TBC1D30: variants seen among roughly 807,000 people sequenced by gnomAD.
The protein encoded by TBC1D30 is TBC1 domain family member 30, also known as TBC1 domain family, member 30.
TBC1D30 carries 31 observed loss-of-function variants against 63.2 expected under a neutral mutation model. The observed-to-expected ratio is 0.49, with a 90% confidence interval of 0.37 to 0.66. The LOEUF (loss-of-function observed/expected upper bound fraction) is 0.66, where lower values mean the gene tolerates loss of function less well. Among genes scored for constraint, TBC1D30 ranks in the 30% least tolerant of loss-of-function variants. The pLI is 0.00. For missense variants in TBC1D30, 810 were observed against 953.6 expected (o/e 0.85, Z 1.98); for synonymous variants, 307 against 361.5 (o/e 0.85, Z 1.71).
At chr12:64,790,897 A>T (rs1368965674) in intron 2 of TBC1D30, among the ~76,000 whole-genome samples, 1 of 152,184 alleles carries the variant, frequency 6.6e-6, no homozygotes, top group Non-Finnish European at 1.5e-5. Context: ...GTAAAATTAT[A>T]AAAATAATCC....
At chr12:64,800,105 C>CAAACA (rs753762882) in intron 2 of TBC1D30, among the ~76,000 whole-genome samples, 16 of 152,202 alleles carry the variant, frequency 1.1e-4, no homozygotes, top group East Asian at 3.9e-4. Flanking sequence ...GACTCCCTCT[C>CAAACA]AAACAAAACA....
In TBC1D30 at chr12:64,880,090, T is replaced by TGC. The variant is rs1445050658; in HGVS notation, c.*4302_*4303insGC. On this transcript the variant is annotated 3_prime_UTR_variant, in exon 12 of 12. Coordinates refer to ENST00000539867, the MANE Select transcript of TBC1D30 (RefSeq NM_015279.2). Reference sequence around the variant, plus strand: ...ATTTGGACCATTGAAGTGGGAGTTATCTGTTATCCACATCAGGCAGCTCAG... The same window carrying TGC: ...ATTTGGACCATTGAAGTGGGAGTTATGCCTGTTATCCACATCAGGCAGCTCAG... 1 of 152,212 alleles carries TGC rather than the reference T, an allele frequency of 6.6e-6. No individual in the cohort carries two copies. The highest frequency in any genetic ancestry group is 1.5e-5 in the Non-Finnish European group (1 of 68,040). 9.4% of individuals were successfully genotyped at this position (152,212 alleles called of 1,614,324 possible).
chr12:64,825,406 C>T (rs1205685361), intron 1 of TBC1D30: 2 of 212,552 alleles, frequency 9.4e-6, no homozygotes, highest in African/African-American at 2.3e-5. Flanking sequence ...CCAGACCTTG[C>T]GAGAGGTGTG....
At position 64,824,953 on chromosome 12, in the gene TBC1D30, G is replaced by C; in HGVS notation, c.74G>C (p.Gly25Ala). The stretch of plus-strand genomic sequence containing the variant: ...CTGAAGCGGCAGGGCGGCGGCGTGG[G>C]CACCATCCTGAGCAATGTGCTCAAG... ...RCLKRQGGGV[G>A]TILSNVLKKR... is the part of the protein sequence containing the mutation. The change falls in exon 1 of 12, where the codon GGC (glycine) becomes GCC (alanine). Residue 25 changes from glycine to alanine, a missense_variant. By Grantham distance (60) the Gly-to-Ala change is moderately conservative. Coordinates refer to ENST00000539867, the MANE Select transcript of TBC1D30 (RefSeq NM_015279.2). The C allele has an allele frequency of 6.5e-7, 1 of 1,534,766 alleles. No individual in the cohort carries two copies. Among genetic ancestry groups the C allele is most frequent in the Admixed American group, 2.0e-5 (1 of 50,954 alleles).
rs1389662218 is a variant in TBC1D30 at position 64,828,568 on chromosome 12, C to T, written c.282+59C>T. 1.3e-5 allele frequency: 14 copies of T among 1,101,906 alleles called. No individual in the cohort carries two copies. The East Asian group carries it at 3.6e-4, about 28-fold the overall frequency. 68.3% of individuals were successfully genotyped at this position (1,101,906 alleles called of 1,614,324 possible). On this transcript the variant is annotated intron_variant, in intron 3 of 11. Transcript: ENST00000539867. ...GATCATCACTGCCCTTCTTTAGAGC[C>T]TCTGGAATGTCAAAAAATATATTCT...
intron 2 of TBC1D30, among the ~76,000 whole-genome samples, chr12:64,819,271 CA>C (rs1459519255): frequency 6.6e-6 from 1 of 152,114 alleles, no homozygotes; most frequent in Non-Finnish European, 1.5e-5. Flanking sequence ...TGTGATCTGT[CA>C]AATAATTGTA....
rs1877009732 is a variant in TBC1D30, at chr12:64,853,045, A to C, written c.1038+9560A>C. On this transcript the variant is annotated intron_variant, in intron 8 of 11. Transcript: ENST00000539867. ...CGGAGAGATCCACTGCTCTCTTCAG[A>C]GCCAGCAGGGAGGAACATTTAAGTC... Among the ~76,000 whole-genome samples, 4 of 152,318 alleles carry C rather than the reference A, an allele frequency of 2.6e-5. No individual in the cohort carries two copies. The South Asian group carries it at 8.3e-4, about 32-fold the overall frequency.
chr12:64,866,193 G>A (rs74099694), intron 9 of TBC1D30, among the ~76,000 whole-genome samples: 77 of 152,206 alleles, frequency 5.1e-4, no homozygotes, highest in African/African-American at 1.8e-3. Context: ...ATAAATAAAG[G>A]CAAGATGCAG....
intron 11 of TBC1D30, among the ~76,000 whole-genome samples, chr12:64,873,331 G>A (rs930303842): frequency 6.6e-6 from 1 of 152,168 alleles, no homozygotes; most frequent in African/African-American, 2.4e-5. Context: ...TGAAGGGAGC[G>A]AGAAAGGGAA....
intron 8 of TBC1D30, among the ~76,000 whole-genome samples, chr12:64,858,297 A>G (rs746074635): frequency 2.0e-5 from 3 of 152,046 alleles, no homozygotes; most frequent in Non-Finnish European, 2.9e-5. Context: ...ATTAAACCCA[A>G]CTTGTAGATG....
At position 64,759,604 on chromosome 12, in the gene TBC1D30, C is replaced by G. The variant is rs768510389; in HGVS notation, c.-421C>G. On this transcript the variant is annotated 5_prime_UTR_variant, in exon 1 of 14. Coordinates refer to the TBC1D30 transcript ENST00000674237. ...AAGGGCGGAGAACCGGAGAAAAGGG[C>G]GGAGAACCGGGAAAAGGGCGGAGAA... 7 of 358,316 alleles carry G rather than the reference C, an allele frequency of 2.0e-5. No homozygotes were observed. In the South Asian group the frequency reaches 3.2e-4, roughly 16 times the overall value. 22.2% of individuals were successfully genotyped at this position (358,316 alleles called of 1,614,324 possible).
chr12:64,792,342 T>C (rs999884830), intron 2 of TBC1D30, among the ~76,000 whole-genome samples: 53 of 152,342 alleles, frequency 3.5e-4, no homozygotes, highest in South Asian at 8.3e-4. Flanking sequence ...CTCCACTTCC[T>C]GTATAGGTTC....
At chr12:64,843,891 A>G (rs1418337995) in intron 8 of TBC1D30, among the ~76,000 whole-genome samples, 1 of 152,162 alleles carries the variant, frequency 6.6e-6, no homozygotes, top group Non-Finnish European at 1.5e-5. Flanking sequence ...TCCTGGGCTT[A>G]AGTGATCCTG....
At position 64,864,713 on chromosome 12, in the gene TBC1D30, T is replaced by C. The variant is rs1247089038; in HGVS notation, c.1084T>C (p.Leu362=). The C allele has an allele frequency of 1.3e-6, 2 of 1,536,304 alleles. No homozygotes were observed. Among genetic ancestry groups the C allele is most frequent in the Admixed American group, 2.0e-5 (1 of 50,996 alleles). Residue 362 remains leucine (L), a synonymous_variant, in exon 9 of 12, where the codon TTG becomes CTG. Transcript: ENST00000539867. ...GTTCCCTTTCCCACAATTGGCAGAG[T>C]TGAGGGAAAAATACACCTACAACAT... is the stretch of plus-strand genomic sequence containing the variant. ...APFPFPQLAE[L]REKYTYNITP... is the part of the protein sequence containing the mutation.
chr12:64,822,091 A>G (rs745546424), upstream of TBC1D30, among the ~76,000 whole-genome samples: 9 of 152,206 alleles, frequency 5.9e-5, no homozygotes, highest in Non-Finnish European at 1.2e-4. Flanking sequence ...AATTCTGGGA[A>G]GCGTCATAGG....
At chr12:64,797,728 T>G (rs1435904163) in intron 2 of TBC1D30, among the ~76,000 whole-genome samples, 1 of 152,182 alleles carries the variant, frequency 6.6e-6, no homozygotes, top group Non-Finnish European at 1.5e-5. Context: ...AGAGAAAATG[T>G]AAGCAATCAA....
intron 7 of TBC1D30, among the ~76,000 whole-genome samples, 179 bp from the exon 8 acceptor site, chr12:64,843,201 G>T (rs2136402717): frequency 1.3e-5 from 2 of 152,278 alleles, no homozygotes; most frequent in Admixed American, 1.3e-4. Flanking sequence ...GAGAGATGGG[G>T]TCTTGCTGCA....
At chr12:64,822,064 T>C (rs182276543), upstream of TBC1D30, among the ~76,000 whole-genome samples, 2 of 152,372 alleles carry the variant, frequency 1.3e-5, no homozygotes, top group East Asian at 3.9e-4. Context: ...GTTGCACCAT[T>C]TCTGACATTG....
At chr12:64,807,021 G>A (rs1872910505) in intron 2 of TBC1D30, among the ~76,000 whole-genome samples, 1 of 152,172 alleles carries the variant, frequency 6.6e-6, no homozygotes, top group Admixed American at 6.5e-5. Context: ...GTTTCCAGGG[G>A]CTGGGGAGAG....
Sources: allele counts gnomAD v4.1 joint callset (sites outside exome capture counted in the v4.1 genomes callset), GRCh38; gene constraint gnomAD v4.1.1; transcripts MANE v1.5; gene names NCBI Gene and HGNC (gene_info 2026-07-23, HGNC 2026-07-21).